KIF4A: variants seen among roughly 807,000 people sequenced by gnomAD.
KIF4A encodes kinesin family member 4A, also known as chromosome-associated kinesin KIF4A.
In KIF4A, 7 loss-of-function variants were observed where a neutral mutation model predicts 105.9. The ratio of observed to expected loss-of-function variants is 0.07; its 90% CI spans 0.04 to 0.12. KIF4A has a LOEUF of 0.12. Ranked by LOEUF, KIF4A falls within the 10% of genes least tolerant of loss-of-function variation. The probability of loss-of-function intolerance (pLI) is 1.00; values close to 1 mark genes in which losing one functional copy is unlikely to be tolerated. For missense variants in KIF4A, 558 were observed against 929.2 expected (o/e 0.60, Z 5.19); for synonymous variants, 281 against 331.3 (o/e 0.85, Z 1.65).
intron 14 of KIF4A, 143 bp from the exon 15 acceptor site, chrX:70,353,479 A>G (rs1052920061): frequency 1.0e-5 from 5 of 495,794 alleles, no homozygotes; most frequent in African/African-American, 4.8e-5. Flanking sequence ...TCAGATACTT[A>G]AAACAAATGT....
intron 7 of KIF4A, among the ~76,000 whole-genome samples, chrX:70,305,838 C>G (rs1467145396): frequency 1.8e-5 from 2 of 111,982 alleles, no homozygotes; most frequent in African/African-American, 6.5e-5. Context: ...TCCAGTATCT[C>G]CACATTTTCA....
At position 70,420,052 on chromosome X, in the gene KIF4A, T is replaced by C; in HGVS notation, c.3496-10T>C. On this transcript the variant is annotated splice_polypyrimidine_tract_variant and intron_variant, in intron 30 of 30. Transcript: ENST00000374403. ...TAAAGTCTATTCATACCTGTCTCTG[T>C]CCCTCCTAGATCCTGAAAGAGATGT... 8.3e-7 allele frequency: 1 copy of C among 1,207,371 alleles called. No homozygotes were observed. The highest frequency in any genetic ancestry group is 1.1e-6 in the Non-Finnish European group (1 of 892,903).
intron 13 of KIF4A, among the ~76,000 whole-genome samples, chrX:70,346,549 C>G (rs2085993467): frequency 8.9e-6 from 1 of 111,790 alleles, no homozygotes; most frequent in South Asian, 3.8e-4. Context: ...TGACTGGTGC[C>G]TGGTGTGCCT....
intron 28 of KIF4A, among the ~76,000 whole-genome samples, chrX:70,411,314 AAAAG>A (rs2086321357): frequency 9.1e-6 from 1 of 110,232 alleles, no homozygotes; most frequent in African/African-American, 3.4e-5. Flanking sequence ...TAAAAAAAAA[AAAAG>A]AATGGAGATT....
rs2085937395 is a variant in KIF4A, at chrX:70,333,151, C to CA, written c.1072-475dup. On this transcript the variant is annotated intron_variant, in intron 9 of 30. Transcript: ENST00000374403. ...GTCAGCAATTCAAGACCAGGCTGGC[C>CA]AACATGGTGAAACCCTGTCTCTACA... Among the ~76,000 whole-genome samples, 3 of 109,011 alleles carry CA rather than the reference C, an allele frequency of 2.8e-5. No individual in the cohort carries two copies. In the South Asian group the frequency reaches 1.2e-3, roughly 45 times the overall value. 94.7% of individuals were successfully genotyped at this position (109,011 alleles called of 115,157 possible).
intron 19 of KIF4A, among the ~76,000 whole-genome samples, 176 bp from the exon 20 acceptor site, chrX:70,387,008 C>T (rs1274316533): frequency 1.8e-5 from 2 of 111,970 alleles, no homozygotes; most frequent in African/African-American, 6.5e-5. Context: ...GAAGTGTGTT[C>T]CTCCCCTAGG....
chrX:70,395,206 A>T (rs28698850), intron 20 of KIF4A, among the ~76,000 whole-genome samples: 1,827 of 112,424 alleles, frequency 0.016, 35 homozygotes, highest in African/African-American at 0.055. Flanking sequence ...AGATCACGCC[A>T]CTGCACTCCA....
intron 3 of KIF4A, among the ~76,000 whole-genome samples, chrX:70,292,387 C>T (rs1450099315): frequency 8.9e-6 from 1 of 112,239 alleles, no homozygotes; most frequent in African/African-American, 3.2e-5. Flanking sequence ...ATGAGTTTGA[C>T]ACTTTGAAGA....
chrX:70,302,179 C>T (rs889180614), intron 6 of KIF4A, 113 bp downstream of exon 6: 49 of 1,077,092 alleles, frequency 4.5e-5, no homozygotes, highest in Middle Eastern at 2.6e-4. Context: ...ATTGTGAGCA[C>T]GAGTGACTAA....
chrX:70,415,927 G>A (rs966126731), intron 28 of KIF4A, among the ~76,000 whole-genome samples: 4 of 100,272 alleles, frequency 4.0e-5, no homozygotes, highest in African/African-American at 1.5e-4. Flanking sequence ...GAGTGCAATG[G>A]CATGATCTTG....
intron 15 of KIF4A, among the ~76,000 whole-genome samples, chrX:70,364,165 G>A (rs1439534899): frequency 8.1e-5 from 9 of 111,717 alleles, no homozygotes; most frequent in East Asian, 2.8e-4. Context: ...AGTAGGTTGC[G>A]AAAATTTTCT....
rs2085966051 is a variant in KIF4A at position 70,339,978 on chromosome X, A to T, written c.1134-1821A>T. 5.4e-5 allele frequency among the ~76,000 whole-genome samples: 6 copies of T among 111,661 alleles called. No homozygotes were observed. The South Asian group carries it at 2.2e-3, about 42-fold the overall frequency. ...ATAATATATCTATAATCTTGCCAAG[A>T]ACTCTTTTTTTTCCTTATTACTGTG... On this transcript the variant is annotated intron_variant, in intron 10 of 30. Coordinates refer to ENST00000374403, the MANE Select transcript of KIF4A (RefSeq NM_012310.5).
intron 22 of KIF4A, among the ~76,000 whole-genome samples, chrX:70,399,972 A>G (rs1395497065): frequency 9.4e-6 from 1 of 106,237 alleles, no homozygotes; most frequent in African/African-American, 3.4e-5. Flanking sequence ...AACAACAACA[A>G]CAACAACAAA....
At chrX:70,357,176 T>C (rs2086055043) in intron 15 of KIF4A, among the ~76,000 whole-genome samples, 1 of 110,966 alleles carries the variant, frequency 9.0e-6, no homozygotes, top group African/African-American at 3.3e-5. Flanking sequence ...TAGCCGAGCA[T>C]GGTGGCGGGC....
chrX:70,405,599 G>A (rs2086297101), intron 25 of KIF4A, among the ~76,000 whole-genome samples: 1 of 111,278 alleles, frequency 9.0e-6, no homozygotes, highest in Non-Finnish European at 1.9e-5. Context: ...AGAGTCCACG[G>A]TTCCTATGAA....
rs763886186 is a variant in KIF4A at position 70,405,883 on chromosome X, G to A, written c.2954G>A (p.Arg985Gln). 6.1e-5 allele frequency: 74 copies of A among 1,205,226 alleles called. No homozygotes were observed. The highest frequency in any genetic ancestry group is 1.4e-4 in the South Asian group (8 of 56,615). The stretch of plus-strand genomic sequence containing the variant: ...TGTGAGCAAAATCAGCAGCTTCTCC[G>A]AGAGAATGAAATCATCAAGCAGGTA... ...EVCEQNQQLLRENEIIKQKLT... is the reference protein window; with the variant it reads ...EVCEQNQQLLQENEIIKQKLT... Residue 985 changes from arginine to glutamine, a missense_variant, in exon 26 of 31, where the codon CGA becomes CAA. Arg to Gln is a conservative substitution (Grantham distance 43, BLOSUM62 1). Coordinates refer to ENST00000374403, the MANE Select transcript of KIF4A (RefSeq NM_012310.5).
intron 15 of KIF4A, among the ~76,000 whole-genome samples, chrX:70,370,926 ACT>A (rs2086128975): frequency 1.6e-5 from 1 of 61,742 alleles, no homozygotes. Flanking sequence ...ACAGAGCAAG[ACT>A]CTGTCTCAAA....
chrX:70,365,729 C>G (rs2086099645), intron 15 of KIF4A, among the ~76,000 whole-genome samples: 1 of 111,378 alleles, frequency 9.0e-6, no homozygotes, highest in African/African-American at 3.3e-5. Context: ...CTCTGTCAGG[C>G]TTTGGTATCA....
At chrX:70,309,855 CCAA>C (rs2085841828) in intron 7 of KIF4A, among the ~76,000 whole-genome samples, 2 of 112,118 alleles carry the variant, frequency 1.8e-5, no homozygotes, top group Non-Finnish European at 3.8e-5. Flanking sequence ...ACCAGTCTGG[CCAA>C]CATGGCAAAC....
Sources: allele counts gnomAD v4.1 joint callset (sites outside exome capture counted in the v4.1 genomes callset), GRCh38; gene constraint gnomAD v4.1.1; transcripts MANE v1.5; gene names NCBI Gene and HGNC (gene_info 2026-07-23, HGNC 2026-07-21).